The following AP3S1 variants were observed in gnomAD, a reference collection of about 807,000 sequenced individuals.
AP3S1 encodes adaptor related protein complex 3 subunit sigma 1, also known as AP-3 complex subunit sigma-1.
Under a neutral mutation model 21.3 loss-of-function variants are expected in AP3S1, and 12 were observed. That is an observed-to-expected ratio of 0.56 (90% CI 0.36 to 0.91). The LOEUF (loss-of-function observed/expected upper bound fraction) is 0.91. Ranked by LOEUF, AP3S1 falls within the 40% of genes least tolerant of loss-of-function variation. AP3S1 has a pLI of 0.01. For synonymous variants in AP3S1, 48 were observed against 78.4 expected, an observed-to-expected ratio of 0.61 and a Z score of 2.05; for missense variants, 116 against 225.0, an observed-to-expected ratio of 0.52 and a Z score of 3.10.
intron 1 of AP3S1, among the ~76,000 whole-genome samples, chr5:115,857,670 G>T (rs552221307): frequency 6.6e-6 from 1 of 152,056 alleles, no homozygotes; most frequent in African/African-American, 2.4e-5. Flanking sequence ...GTTTATGTAC[G>T]TGTCTAAATA....
At chr5:115,912,757 A>G (rs563701638) in intron 5 of AP3S1, among the ~76,000 whole-genome samples, 52 of 152,074 alleles carry the variant, frequency 3.4e-4, no homozygotes, top group Non-Finnish European at 6.6e-4. Flanking sequence ...AGGCAGAACT[A>G]TATTCTTTGG....
intron 5 of AP3S1, 76 bp downstream of exon 5, chr5:115,903,068 G>T: frequency 8.0e-6 from 9 of 1,118,980 alleles, no homozygotes; most frequent in Non-Finnish European, 9.2e-6. Context: ...AGTTTTCACT[G>T]TTTGTCCTTC....
In AP3S1 at chr5:115,864,264, G is replaced by T. The variant is rs548203832; in HGVS notation, c.70-2406G>T. Among the ~76,000 whole-genome samples, 7 of 152,272 alleles carry T rather than the reference G, an allele frequency of 4.6e-5. No homozygotes were observed. In the East Asian group the frequency reaches 1.4e-3, roughly 29 times the overall value. ...TCTGGATTGAGTCCATAGATACTTT[G>T]TTCCTGAAGCTAGGAAATTCCTTGC... On this transcript the variant is annotated intron_variant, in intron 1 of 5. Transcript: ENST00000316788.
At chr5:115,874,921 C>G (rs759816523) in intron 3 of AP3S1, among the ~76,000 whole-genome samples, 3 of 151,994 alleles carry the variant, frequency 2.0e-5, no homozygotes, top group Non-Finnish European at 2.9e-5. Flanking sequence ...GTTATTTAAC[C>G]TCTTTGACCC....
intron 1 of AP3S1, among the ~76,000 whole-genome samples, chr5:115,859,247 A>G (rs1763002075): frequency 6.6e-6 from 1 of 152,224 alleles, no homozygotes; most frequent in African/African-American, 2.4e-5. Context: ...TCATGACTTA[A>G]CGTAATACAA....
intron 3 of AP3S1, among the ~76,000 whole-genome samples, chr5:115,889,555 G>A (rs979345944): frequency 1.3e-5 from 2 of 152,140 alleles, no homozygotes; most frequent in African/African-American, 4.8e-5. Context: ...TGAAAAATTG[G>A]ATTTTATTGG....
At chr5:115,890,508 A>G (rs1750202959) in intron 3 of AP3S1, among the ~76,000 whole-genome samples, 1 of 152,202 alleles carries the variant, frequency 6.6e-6, no homozygotes, top group Non-Finnish European at 1.5e-5. Context: ...TTGATAAGTG[A>G]CTGATGGACT....
chr5:115,885,156 T>G (rs929698741), intron 3 of AP3S1, among the ~76,000 whole-genome samples: 1 of 152,210 alleles, frequency 6.6e-6, no homozygotes, highest in Non-Finnish European at 1.5e-5. Context: ...TTAATGACTT[T>G]CCATTTGTAT....
At chr5:115,842,527 CG>C (rs1761685671) in intron 1 of AP3S1, 1 of 156,548 alleles carries the variant, frequency 6.4e-6, no homozygotes, top group African/African-American at 2.6e-5. Flanking sequence ...AGGAAGACGG[CG>C]TGGAACTCGT....
chr5:115,866,540 C>G (rs145679167), intron 1 of AP3S1, 130 bp from the exon 2 acceptor site: 3 of 473,550 alleles, frequency 6.3e-6, no homozygotes, highest in Non-Finnish European at 1.1e-5. Context: ...TAATTTAAGT[C>G]ACTTCTCCAA....
intron 1 of AP3S1, among the ~76,000 whole-genome samples, chr5:115,864,266 TC>T (rs1763434718): frequency 6.6e-6 from 1 of 152,194 alleles, no homozygotes; most frequent in Non-Finnish European, 1.5e-5. Flanking sequence ...GATACTTTGT[TC>T]CTGAAGCTAG....
chr5:115,869,014 A>T (rs1747982475), intron 2 of AP3S1, among the ~76,000 whole-genome samples: 1 of 147,794 alleles, frequency 6.8e-6, no homozygotes, highest in Non-Finnish European at 1.5e-5. Context: ...TTCTGTTGGG[A>T]TGGATGTTAG....
chr5:115,862,255 T>A (rs565173956), intron 1 of AP3S1, among the ~76,000 whole-genome samples: 1 of 152,296 alleles, frequency 6.6e-6, no homozygotes, highest in South Asian at 2.1e-4. Context: ...TCAGTAAGTT[T>A]ATTGGGAAGT....
chr5:115,890,829 C>G (rs1750235819), intron 3 of AP3S1, among the ~76,000 whole-genome samples: 2 of 152,148 alleles, frequency 1.3e-5, no homozygotes, highest in South Asian at 4.1e-4. Context: ...CCCAGGCTGT[C>G]TAGTTTCTTT....
chr5:115,876,133 G>A (rs1172976447), intron 3 of AP3S1, among the ~76,000 whole-genome samples: 1 of 152,052 alleles, frequency 6.6e-6, no homozygotes, highest in Non-Finnish European at 1.5e-5. Flanking sequence ...ATAACTTTAG[G>A]CAATTACTTA....
chr5:115,848,454 G>T (rs1762217015), intron 1 of AP3S1, among the ~76,000 whole-genome samples: 1 of 152,156 alleles, frequency 6.6e-6, no homozygotes, highest in African/African-American at 2.4e-5. Flanking sequence ...ATTTAAAAAA[G>T]ACAGTATATG....
intron 3 of AP3S1, among the ~76,000 whole-genome samples, chr5:115,886,681 GT>G (rs1749811137): frequency 1.3e-5 from 2 of 152,210 alleles, no homozygotes; most frequent in South Asian, 4.1e-4. Flanking sequence ...TTTCAACTGT[GT>G]GGAGAGTCAG....
rs1041792659 is a variant in AP3S1 at position 115,869,896 on chromosome 5, T to C, written c.162-121T>C. ...TCTGAATAAGTTCACTTAAATACTT[T>C]GCCATTGAATGTCACCTTTCATTTG... is the stretch of plus-strand genomic sequence containing the variant. On this transcript the variant is annotated intron_variant, in intron 2 of 5. Transcript: ENST00000316788. 7.4e-5 allele frequency: 42 copies of C among 565,560 alleles called. 1 individual carries two copies. The highest frequency in any genetic ancestry group is 4.3e-4 in the East Asian group (13 of 30,522). 35.0% of individuals were successfully genotyped at this position (565,560 alleles called of 1,614,324 possible).
intron 3 of AP3S1, among the ~76,000 whole-genome samples, chr5:115,887,364 CT>C (rs35452624): frequency 0.99 from 146,711 of 147,840 alleles, 72,804 homozygotes; most frequent in Admixed American, 1. Context: ...CAGTGTAACC[CT>C]TTTTTTTTTT....
Sources: gnomAD v4.1 joint callset for allele counts (sites outside exome capture counted in the v4.1 genomes callset) on GRCh38, gnomAD v4.1.1 for gene constraint, MANE v1.5 for transcripts, NCBI Gene and HGNC (gene_info 2026-07-23, HGNC 2026-07-21) for gene names.